The following ADGRL2 variants were observed in gnomAD, a reference collection of about 807,000 sequenced individuals.
ADGRL2 encodes the protein calcium-independent alpha-latrotoxin receptor 2.
A neutral mutation model predicts 157.4 loss-of-function variants in ADGRL2; 44 were observed. The ratio of observed to expected loss-of-function variants is 0.28; its 90% CI spans 0.22 to 0.36. The LOEUF (loss-of-function observed/expected upper bound fraction) is 0.36. Ranked by LOEUF, ADGRL2 falls within the 10% of genes least tolerant of loss-of-function variation. The pLI is 1.00. For missense variants in ADGRL2, 1,510 were observed against 1,768.9 expected, an observed-to-expected ratio of 0.85 and a Z score of 2.63; for synonymous variants, 585 against 624.7, an observed-to-expected ratio of 0.94 and a Z score of 0.95.
chr1:81,397,829 C>G (rs1165429658), intron 1 of ADGRL2, among the ~76,000 whole-genome samples: 3 of 152,154 alleles, frequency 2.0e-5, no homozygotes, highest in Non-Finnish European at 4.4e-5. Context: ...GTATTAGGTA[C>G]ATTTGGTGTA....
chr1:81,857,555 A>G (rs1222816198), intron 2 of ADGRL2, among the ~76,000 whole-genome samples: 3 of 152,146 alleles, frequency 2.0e-5, no homozygotes, highest in Non-Finnish European at 4.4e-5. Flanking sequence ...TAGTCACCTC[A>G]GTAGAAAAGC....
intron 5 of ADGRL2, chr1:81,942,686 T>C (rs1648477947): frequency 4.6e-6 from 2 of 436,150 alleles, no homozygotes; most frequent in Admixed American, 3.4e-5. Context: ...GATTATAAGA[T>C]GAAAACATAG....
At chr1:81,754,440 T>TCTCCTC (rs147813577) in intron 1 of ADGRL2, among the ~76,000 whole-genome samples, 2 of 131,260 alleles carry the variant, frequency 1.5e-5, no homozygotes, top group Admixed American at 8.1e-5. Flanking sequence ...TCCTCCTCCT[T>TCTCCTC]CTCCTCCTCC....
intron 3 of ADGRL2, among the ~76,000 whole-genome samples, chr1:81,932,494 T>C (rs2095247467): frequency 6.6e-6 from 1 of 152,218 alleles, no homozygotes; most frequent in African/African-American, 2.4e-5. Flanking sequence ...CTAAGTTTTA[T>C]AGAGCAAAAT....
chr1:81,415,837 CTTTTCCT>C (rs1439546725), intron 1 of ADGRL2, among the ~76,000 whole-genome samples: 1 of 131,442 alleles, frequency 7.6e-6, no homozygotes, highest in African/African-American at 2.7e-5. Flanking sequence ...ACAGTATCTC[CTTTTCCT>C]TTTTTTTTTT....
At chr1:81,959,695 G>C (rs576431022) in intron 11 of ADGRL2, among the ~76,000 whole-genome samples, 1 of 151,882 alleles carries the variant, frequency 6.6e-6, no homozygotes, top group East Asian at 1.9e-4. Context: ...ATAACAAAAC[G>C]TTTCAAAAGA....
At chr1:81,675,249 T>G (rs565999104) in intron 3 of ADGRL2, among the ~76,000 whole-genome samples, 2 of 152,366 alleles carry the variant, frequency 1.3e-5, no homozygotes, top group East Asian at 3.9e-4. Flanking sequence ...AAGAGACTTC[T>G]GCTCAGTTAA....
chr1:81,960,763 G>T (rs137866956), intron 11 of ADGRL2, among the ~76,000 whole-genome samples: 1 of 152,192 alleles, frequency 6.6e-6, no homozygotes, highest in African/African-American at 2.4e-5. Flanking sequence ...GTGAGCCACC[G>T]CCCCTGGCCT....
Position 81,509,505 on chromosome 1 carries a change from G to A in ADGRL2, c.-248+64416G>A, listed in dbSNP as rs75177450. Among the ~76,000 whole-genome samples, 543 of 152,188 alleles carry A rather than the reference G, an allele frequency of 3.6e-3. 2 individuals are homozygous for A. The highest frequency in any genetic ancestry group is 0.024 in the Middle Eastern group (7 of 294). On this transcript the variant is annotated intron_variant, in intron 2 of 24. Transcript: ENST00000370721. ...GGAACACGCAGCATTTTGACACACC[G>A]TTCTTGACACACCGTTCGTACGAAT... is the stretch of plus-strand genomic sequence containing the variant.
chr1:81,874,630 T>TGTCCTGTCC (rs1557823170), intron 2 of ADGRL2, among the ~76,000 whole-genome samples: 4 of 33,764 alleles, frequency 1.2e-4, no homozygotes, highest in African/African-American at 3.9e-4. Context: ...TTGTCTTGTC[T>TGTCCTGTCC]TGTCTTGTCC....
At chr1:81,360,064 T>C (rs903420845) in intron 1 of ADGRL2, among the ~76,000 whole-genome samples, 2 of 152,012 alleles carry the variant, frequency 1.3e-5, no homozygotes, top group African/African-American at 4.8e-5. Flanking sequence ...TACTTCCCAT[T>C]TGAATGGAGA....
chr1:81,725,990 A>G (rs558364263), intron 1 of ADGRL2, among the ~76,000 whole-genome samples: 1 of 132,484 alleles, frequency 7.5e-6, no homozygotes, highest in South Asian at 2.2e-4. Context: ...CTAAAACAAA[A>G]CAAAACAAAA....
intron 2 of ADGRL2, among the ~76,000 whole-genome samples, chr1:81,547,553 ATTG>A (rs1351648337): frequency 2.6e-5 from 4 of 152,310 alleles, no homozygotes; most frequent in Non-Finnish European, 4.4e-5. Flanking sequence ...ACTCGCTAGT[ATTG>A]TTGTTATTTC....
chr1:81,768,042 G>A (rs912162166), intron 2 of ADGRL2, among the ~76,000 whole-genome samples: 31 of 151,924 alleles, frequency 2.0e-4, no homozygotes, highest in Admixed American at 2.0e-3. Flanking sequence ...ATACTTAAAT[G>A]TATTTATTTT....
intron 19 of ADGRL2, among the ~76,000 whole-genome samples, chr1:81,983,227 A>C (rs980908609): frequency 3.9e-5 from 6 of 151,980 alleles, no homozygotes; most frequent in African/African-American, 1.4e-4. Context: ...ATTACATTTT[A>C]AATGCATCAT....
intron 1 of ADGRL2, chr1:81,427,500 A>G: frequency 1.3e-6 from 1 of 753,194 alleles, no homozygotes; most frequent in Non-Finnish European, 2.4e-6. Flanking sequence ...GACAACAGCA[A>G]TCAAATTACG....
chr1:81,556,759 G>T (rs1320739546), intron 2 of ADGRL2, among the ~76,000 whole-genome samples: 3 of 151,980 alleles, frequency 2.0e-5, no homozygotes, highest in African/African-American at 7.2e-5. Context: ...CTGGCAAAGA[G>T]TTCTTCCAAA....
intron 17 of ADGRL2, among the ~76,000 whole-genome samples, chr1:81,973,139 A>G (rs899606836): frequency 9.2e-5 from 14 of 152,192 alleles, no homozygotes; most frequent in African/African-American, 3.4e-4. Context: ...CTTCAAGTGT[A>G]TATTTGTTTG....
chr1:81,855,386 AGCCATGATAGT>A (rs1257989202), intron 2 of ADGRL2, among the ~76,000 whole-genome samples: 2 of 152,310 alleles, frequency 1.3e-5, no homozygotes, highest in Non-Finnish European at 2.9e-5. Context: ...GGTTGCAGTG[AGCCATGATAGT>A]GCCATTGCAC....
Sources: allele counts gnomAD v4.1 joint callset (sites outside exome capture counted in the v4.1 genomes callset), GRCh38; gene constraint gnomAD v4.1.1; transcripts MANE v1.5; gene names NCBI Gene and HGNC (gene_info 2026-07-23, HGNC 2026-07-21).